The following ZC3H12B variants were observed in gnomAD, a reference collection of about 807,000 sequenced individuals.
The protein encoded by ZC3H12B is probable ribonuclease ZC3H12B.
A neutral mutation model predicts 43.9 loss-of-function variants in ZC3H12B; 7 were observed. That is an observed-to-expected ratio of 0.16 (90% CI 0.09 to 0.30). The LOEUF is 0.30. Ranked by LOEUF, ZC3H12B falls within the 10% of genes least tolerant of loss-of-function variation. The probability of loss-of-function intolerance (pLI) is 1.00; values close to 1 mark genes in which losing one functional copy is unlikely to be tolerated. For missense variants in ZC3H12B, 475 were observed against 670.2 expected (o/e 0.71, Z 3.22); for synonymous variants, 222 against 241.7 (o/e 0.92, Z 0.76).
the ZC3H12B span, among the ~76,000 whole-genome samples, chrX:65,175,803 T>C: frequency 2.7e-5 from 3 of 111,663 alleles, no homozygotes; most frequent in Non-Finnish European, 5.7e-5. Flanking sequence ...AAACTCCCTC[T>C]CCTAGCCAAG....
At chrX:65,075,371 C>T in the ZC3H12B span, among the ~76,000 whole-genome samples, 1 of 112,450 alleles carries the variant, frequency 8.9e-6, no homozygotes, top group Admixed American at 9.4e-5. Flanking sequence ...TCTTCTGTCT[C>T]CCCTCCCTGA....
chrX:65,212,125 A>T, the ZC3H12B span, among the ~76,000 whole-genome samples: 2 of 57,577 alleles, frequency 3.5e-5, no homozygotes, highest in East Asian at 1.2e-3. Context: ...TATAGTATAT[A>T]ATATACTATA....
the ZC3H12B span, among the ~76,000 whole-genome samples, chrX:65,146,097 C>CT: frequency 9.0e-6 from 1 of 111,310 alleles, no homozygotes; most frequent in Non-Finnish European, 1.9e-5. Context: ...TTAGATTTCT[C>CT]TTTTTCCTCA....
chrX:65,214,612 A>G, the ZC3H12B span, among the ~76,000 whole-genome samples: 1 of 111,453 alleles, frequency 9.0e-6, no homozygotes, highest in Non-Finnish European at 1.9e-5. Context: ...TTTCTACCAC[A>G]TCTTCAGTGA....
chrX:65,148,177 AG>A, the ZC3H12B span, among the ~76,000 whole-genome samples: 1 of 111,364 alleles, frequency 9.0e-6, no homozygotes, highest in Non-Finnish European at 1.9e-5. Context: ...TCCTGAGGCC[AG>A]GAGTGCCAAT....
chrX:65,233,022 G>T, the ZC3H12B span, among the ~76,000 whole-genome samples: 1 of 111,872 alleles, frequency 8.9e-6, no homozygotes, highest in South Asian at 3.7e-4. Context: ...AATGATAAGG[G>T]GGTCAAGTTA....
chrX:65,074,099 G>A, the ZC3H12B span, among the ~76,000 whole-genome samples: 3 of 111,098 alleles, frequency 2.7e-5, no homozygotes, highest in African/African-American at 9.8e-5. Context: ...ATTTATCTTT[G>A]GGCTGTTTTC....
At chrX:65,269,833 A>G in the ZC3H12B span, among the ~76,000 whole-genome samples, 2 of 111,625 alleles carry the variant, frequency 1.8e-5, no homozygotes, top group Non-Finnish European at 3.8e-5. Context: ...AGGAAGTGAA[A>G]GATTTATACA....
chrX:65,424,762 G>A (rs1431651161), intron 3 of ZC3H12B, among the ~76,000 whole-genome samples: 1 of 111,505 alleles, frequency 9.0e-6, no homozygotes, highest in African/African-American at 3.3e-5. Context: ...GTTTGTCAAA[G>A]ATCAGATGGT....
chrX:65,212,208 A>G, the ZC3H12B span, among the ~76,000 whole-genome samples: 1 of 48,528 alleles, frequency 2.1e-5, no homozygotes, highest in Non-Finnish European at 3.3e-5. Context: ...TAATTATTAT[A>G]TAATATATTA....
intron 3 of ZC3H12B, among the ~76,000 whole-genome samples, chrX:65,459,908 A>G (rs1020967045): frequency 4.5e-5 from 5 of 111,725 alleles, no homozygotes; most frequent in Non-Finnish European, 7.5e-5. Flanking sequence ...GGAAAAGAGG[A>G]AGTCAAATTG....
chrX:65,256,054 A>G, the ZC3H12B span, among the ~76,000 whole-genome samples: 2,712 of 112,188 alleles, frequency 0.024, 81 homozygotes, highest in African/African-American at 0.082. Flanking sequence ...TCAGAATCCT[A>G]TGAAGATATA....
intron 2 of ZC3H12B, among the ~76,000 whole-genome samples, chrX:65,372,638 G>A (rs1569378836): frequency 9.2e-6 from 1 of 108,184 alleles, no homozygotes; most frequent in Non-Finnish European, 1.9e-5. Context: ...GGGAGGAAGG[G>A]AGGAAGGAAG....
the ZC3H12B span, among the ~76,000 whole-genome samples, chrX:65,202,161 A>ATGTAATATATATTTTC: frequency 2.0e-3 from 144 of 72,397 alleles, no homozygotes; most frequent in African/African-American, 0.028. Flanking sequence ...TATATATTAT[A>ATGTAATATATATTTTC]TATAATATAT....
At chrX:65,213,349 T>C in the ZC3H12B span, among the ~76,000 whole-genome samples, 1 of 110,721 alleles carries the variant, frequency 9.0e-6, no homozygotes, top group Non-Finnish European at 1.9e-5. Flanking sequence ...CCACAAATAT[T>C]ATTGCAAGTG....
At chrX:65,392,255 C>A (rs112261728) in intron 2 of ZC3H12B, among the ~76,000 whole-genome samples, 9,006 of 110,996 alleles carry the variant, frequency 0.081, 997 homozygotes, top group African/African-American at 0.28. Flanking sequence ...GCCCCTCTGC[C>A]TGGCTGCCCA....
chrX:65,290,777 C>T, the ZC3H12B span, among the ~76,000 whole-genome samples: 1 of 111,172 alleles, frequency 9.0e-6, no homozygotes, highest in African/African-American at 3.3e-5. Flanking sequence ...CACATATTCT[C>T]ACTTACATGT....
chrX:65,115,851 T>C, the ZC3H12B span, among the ~76,000 whole-genome samples: 10 of 112,077 alleles, frequency 8.9e-5, no homozygotes, highest in African/African-American at 3.2e-4. Context: ...TTTGTATGTC[T>C]TCTTTTGAGA....
chrX:65,176,555 C>T, the ZC3H12B span, among the ~76,000 whole-genome samples: 1 of 111,367 alleles, frequency 9.0e-6, no homozygotes, highest in Non-Finnish European at 1.9e-5. Flanking sequence ...AGACTGCTTT[C>T]TTAAGTGGGT....
Sources: gnomAD v4.1 joint callset for allele counts (sites outside exome capture counted in the v4.1 genomes callset) on GRCh38, gnomAD v4.1.1 for gene constraint, MANE v1.5 for transcripts, NCBI Gene and HGNC (gene_info 2026-07-23, HGNC 2026-07-21) for gene names.